Variants in PRH1 observed in about 807,000 individuals in gnomAD.
PRH1 encodes proline rich protein HaeIII subfamily 1.
PRH1 carries 7 observed loss-of-function variants against 7.9 expected under a neutral mutation model. That is an observed-to-expected ratio of 0.89 (90% CI 0.50 to 1.67). The LOEUF (loss-of-function observed/expected upper bound fraction) is 1.67, where lower values mean the gene tolerates loss of function less well. Ranked by LOEUF, PRH1 falls within the 40% of genes most tolerant of loss-of-function variation. The probability of loss-of-function intolerance (pLI) is 0.00; values close to 1 mark genes in which losing one functional copy is unlikely to be tolerated. For missense variants in PRH1, 109 were observed against 223.6 expected (o/e 0.49, Z 3.27); for synonymous variants, 45 against 80.8 (o/e 0.56, Z 2.38).
At chr12:10,940,008 T>TA (rs772529427) in intron 2 of PRH1, among the ~76,000 whole-genome samples, 19 of 152,202 alleles carry the variant, frequency 1.2e-4, no homozygotes, top group Admixed American at 2.0e-4. Flanking sequence ...CAATTTACAA[T>TA]AAAAATAAAG....
intron 1 of PRH1, among the ~76,000 whole-genome samples, chr12:11,087,302 A>G (rs1385627025): frequency 8.6e-6 from 1 of 116,518 alleles, no homozygotes; most frequent in Admixed American, 8.5e-5. Flanking sequence ...GAGTTTCCAT[A>G]TGTTGCAAAG....
intron 2 of PRH1, among the ~76,000 whole-genome samples, chr12:10,955,871 G>A (rs1937929259): frequency 6.6e-6 from 1 of 151,852 alleles, no homozygotes; most frequent in African/African-American, 2.4e-5. Flanking sequence ...TTTCAAGACT[G>A]AATCAGTAAG....
At chr12:10,942,726 G>A (rs1388070667) in intron 2 of PRH1, among the ~76,000 whole-genome samples, 1 of 152,174 alleles carries the variant, frequency 6.6e-6, no homozygotes, top group Non-Finnish European at 1.5e-5. Context: ...TTCTGGCCAG[G>A]AGGCTTCTTG....
chr12:10,898,654 T>C (rs996510517), intron 2 of PRH1, among the ~76,000 whole-genome samples: 1 of 151,968 alleles, frequency 6.6e-6, no homozygotes, highest in African/African-American at 2.4e-5. Flanking sequence ...TTATAAGAAG[T>C]TGCAAATATA....
chr12:10,923,979 T>G (rs1317440838), intron 2 of PRH1, among the ~76,000 whole-genome samples: 1 of 150,360 alleles, frequency 6.7e-6, no homozygotes, highest in Non-Finnish European at 1.5e-5. Context: ...TTTTTATTCA[T>G]TTCTCCATCT....
Position 11,047,113 on chromosome 12 carries a change from G to T in PRH1, c.-219C>A, listed in dbSNP as rs968367691. On this transcript the variant is annotated 5_prime_UTR_variant, in exon 1 of 4. Transcript: ENST00000539853. ...GTTCTGTCACAGAACTGACACAGAA[G>T]AACTTCCAATGTTTAAAAAGCTGGC... is the stretch of plus-strand genomic sequence containing the variant. 4.3e-5 allele frequency: 20 copies of T among 462,798 alleles called. No individual in the cohort carries two copies. In the Admixed American group the frequency reaches 4.4e-4, roughly 10 times the overall value. 28.7% of individuals were successfully genotyped at this position (462,798 alleles called of 1,614,324 possible).
At chr12:11,051,871 T>C (rs1226761776), upstream of PRH1, among the ~76,000 whole-genome samples, 1 of 152,210 alleles carries the variant, frequency 6.6e-6, no homozygotes, top group Non-Finnish European at 1.5e-5. Context: ...TTATTGTAAT[T>C]ATTTATTCAT....
At position 11,085,659 on chromosome 12, in the gene PRH1, C is replaced by G. The variant is rs1181609246; in HGVS notation, n.124-38471G>C. ...GAAAATATGATAATTTCCAAAACAG[C>G]TGAAACTGACTCATATTCAAATACT... On this transcript the variant is annotated intron_variant and non_coding_transcript_variant, in intron 1 of 4. Transcript: ENST00000541977. Among the ~76,000 whole-genome samples the G allele has an allele frequency of 6.0e-5, 7 of 116,136 alleles. 3 individuals carry two copies. The highest frequency in any genetic ancestry group is 4.2e-4 in the East Asian group (2 of 4,736). The allele number at this position is 116,136 out of a possible 152,430, so 76.2% of individuals were successfully genotyped here. A position where few individuals can be genotyped will look rare whatever the true frequency, so the allele number is the denominator to read the frequency against.
At chr12:10,917,631 C>T (rs563857719) in intron 2 of PRH1, among the ~76,000 whole-genome samples, 1 of 152,294 alleles carries the variant, frequency 6.6e-6, no homozygotes, top group South Asian at 2.1e-4. Flanking sequence ...GTTTTCCTTT[C>T]ACTGTTTTCA....
intron 1 of PRH1, among the ~76,000 whole-genome samples, chr12:11,109,440 T>C (rs1404469626): frequency 6.6e-6 from 1 of 152,036 alleles, no homozygotes; most frequent in Non-Finnish European, 1.5e-5. Flanking sequence ...ATCTGGCGGG[T>C]AACCCTCTGG....
intron 1 of PRH1, among the ~76,000 whole-genome samples, chr12:11,059,185 T>G (rs2136173897): frequency 6.6e-6 from 1 of 152,324 alleles, no homozygotes; most frequent in South Asian, 2.1e-4. Context: ...ATCCCTGGAC[T>G]AATGCCGGCT....
At chr12:10,894,127 A>G (rs1565455174) in intron 2 of PRH1, among the ~76,000 whole-genome samples, 1 of 152,038 alleles carries the variant, frequency 6.6e-6, no homozygotes, top group Non-Finnish European at 1.5e-5. Context: ...TATTTACTAA[A>G]CCTGGTAACT....
chr12:10,970,253 T>C (rs1938742245), intron 2 of PRH1, among the ~76,000 whole-genome samples: 1 of 152,226 alleles, frequency 6.6e-6, no homozygotes, highest in Admixed American at 6.5e-5. Flanking sequence ...ACAAAATATT[T>C]TTTCCAACAT....
chr12:11,080,087 C>T, intron 1 of PRH1, among the ~76,000 whole-genome samples: 1 of 113,438 alleles, frequency 8.8e-6, no homozygotes, highest in Non-Finnish European at 2.1e-5. Context: ...TTCCCCTATA[C>T]CTTTCTTCAT....
intron 1 of PRH1, among the ~76,000 whole-genome samples, chr12:10,978,765 A>G (rs897792652): frequency 6.7e-6 from 1 of 149,144 alleles, no homozygotes; most frequent in African/African-American, 2.5e-5. Context: ...TAAAAGGCAT[A>G]GACAATTTTC....
chr12:11,157,680 TAA>T (rs1421141186), intron 1 of PRH1, among the ~76,000 whole-genome samples: 5 of 152,246 alleles, frequency 3.3e-5, no homozygotes, highest in Admixed American at 3.3e-4. Flanking sequence ...CTAAATGTAT[TAA>T]GTTTCACATA....
chr12:11,043,317 A>G (rs1942785702), intron 1 of PRH1, among the ~76,000 whole-genome samples: 1 of 152,218 alleles, frequency 6.6e-6, no homozygotes, highest in African/African-American at 2.4e-5. Flanking sequence ...AATCATATAG[A>G]AAGACCCACA....
At chr12:10,999,151 T>G (rs1365687152) in intron 1 of PRH1, among the ~76,000 whole-genome samples, 1 of 152,130 alleles carries the variant, frequency 6.6e-6, no homozygotes, top group Non-Finnish European at 1.5e-5. Context: ...TAATGTGGTT[T>G]TGGAGAAGTT....
chr12:10,998,176 C>T (rs1270298468), intron 1 of PRH1, among the ~76,000 whole-genome samples: 1 of 152,148 alleles, frequency 6.6e-6, no homozygotes, highest in African/African-American at 2.4e-5. Flanking sequence ...GAAGGGAAAG[C>T]TGAATTCTCA....
Sources: allele counts gnomAD v4.1 joint callset (sites outside exome capture counted in the v4.1 genomes callset), GRCh38; gene constraint gnomAD v4.1.1; transcripts MANE v1.5; gene names NCBI Gene and HGNC (gene_info 2026-07-23, HGNC 2026-07-21).